The following TASP1 variants were observed in gnomAD, a reference collection of about 807,000 sequenced individuals.
TASP1 encodes the protein threonine aspartase 1.
Under a neutral mutation model 56.6 loss-of-function variants are expected in TASP1, and 16 were observed. That is an observed-to-expected ratio of 0.28 (90% CI 0.19 to 0.43). The LOEUF (loss-of-function observed/expected upper bound fraction) is 0.43. Ranked by LOEUF, TASP1 falls within the 20% of genes least tolerant of loss-of-function variation. TASP1 has a pLI of 1.00. For synonymous variants in TASP1, 179 were observed against 184.2 expected, an observed-to-expected ratio of 0.97 and a Z score of 0.23; for missense variants, 393 against 511.6, an observed-to-expected ratio of 0.77 and a Z score of 2.24.
chr20:13,268,966 A>G, the TASP1 span, among the ~76,000 whole-genome samples: 1 of 152,188 alleles, frequency 6.6e-6, no homozygotes, highest in South Asian at 2.1e-4. Context: ...CCCTAAGGTT[A>G]GCTCTCCAAG....
chr20:13,562,265 G>A (rs1217802795), intron 7 of TASP1, among the ~76,000 whole-genome samples: 3 of 152,056 alleles, frequency 2.0e-5, no homozygotes, highest in African/African-American at 4.8e-5. Context: ...AAAGCCTTAT[G>A]AAGGGAAAAT....
intron 4 of TASP1, among the ~76,000 whole-genome samples, chr20:13,616,314 A>G (rs925839309): frequency 6.6e-6 from 1 of 152,146 alleles, no homozygotes; most frequent in African/African-American, 2.4e-5. Context: ...TCCAAAATGA[A>G]GTATATTTTT....
At chr20:13,139,754 C>T in the TASP1 span, among the ~76,000 whole-genome samples, 1 of 152,220 alleles carries the variant, frequency 6.6e-6, no homozygotes, top group African/African-American at 2.4e-5. Flanking sequence ...CCACCCAGGA[C>T]ATTCTTTCCT....
chr20:13,259,847 G>A, the TASP1 span, among the ~76,000 whole-genome samples: 1 of 152,222 alleles, frequency 6.6e-6, no homozygotes, highest in African/African-American at 2.4e-5. Flanking sequence ...AATACTAAGT[G>A]ATAAACTTGC....
chr20:13,623,115 T>C (rs1236098970), intron 4 of TASP1, among the ~76,000 whole-genome samples: 1 of 152,200 alleles, frequency 6.6e-6, no homozygotes, highest in Non-Finnish European at 1.5e-5. Context: ...TTCTTTTATT[T>C]TTAAACAACA....
At chr20:13,566,845 A>G (rs2046546615) in intron 7 of TASP1, among the ~76,000 whole-genome samples, 1 of 152,226 alleles carries the variant, frequency 6.6e-6, no homozygotes, top group South Asian at 2.1e-4. Context: ...AAATTAGTTC[A>G]GCCATTGTGG....
intron 12 of TASP1, among the ~76,000 whole-genome samples, chr20:13,430,999 G>A (rs1442479502): frequency 3.3e-5 from 5 of 152,146 alleles, no homozygotes; most frequent in African/African-American, 1.2e-4. Context: ...TGCTTGTGTG[G>A]TGTAATGAGA....
intron 7 of TASP1, among the ~76,000 whole-genome samples, chr20:13,568,916 C>T (rs568760491): frequency 1.5e-3 from 225 of 152,240 alleles, no homozygotes; most frequent in Admixed American, 4.9e-3. Flanking sequence ...AACATGTACT[C>T]ATTTTAATTT....
chr20:13,493,110 G>A (rs184236333), intron 10 of TASP1, among the ~76,000 whole-genome samples: 1 of 151,914 alleles, frequency 6.6e-6, no homozygotes, highest in Non-Finnish European at 1.5e-5. Flanking sequence ...TTTTATGAAC[G>A]CAAATACTTT....
chr20:13,494,265 T>C (rs975591519), intron 10 of TASP1, among the ~76,000 whole-genome samples: 2 of 152,158 alleles, frequency 1.3e-5, no homozygotes, highest in Non-Finnish European at 2.9e-5. Context: ...GCTTCCTCAT[T>C]TGAAAAACTA....
At chr20:13,106,197 A>G in the TASP1 span, among the ~76,000 whole-genome samples, 1 of 152,174 alleles carries the variant, frequency 6.6e-6, no homozygotes, top group Non-Finnish European at 1.5e-5. Context: ...ATTTCTATCC[A>G]CAAGTGGCAT....
intron 12 of TASP1, among the ~76,000 whole-genome samples, chr20:13,426,702 T>G (rs2042629282): frequency 6.6e-6 from 1 of 152,084 alleles, no homozygotes; most frequent in Non-Finnish European, 1.5e-5. Flanking sequence ...ATGCTACTCT[T>G]CATTGTTGAA....
chr20:13,581,200 TAC>T (rs1306212680), intron 5 of TASP1, among the ~76,000 whole-genome samples: 2 of 152,100 alleles, frequency 1.3e-5, no homozygotes, highest in Non-Finnish European at 2.9e-5. Context: ...GAATATAAAA[TAC>T]ATATTCTCAT....
the TASP1 span, among the ~76,000 whole-genome samples, chr20:13,209,458 A>T: frequency 1.3e-5 from 2 of 152,192 alleles, no homozygotes; most frequent in Non-Finnish European, 2.9e-5. Context: ...GTACTGGGAA[A>T]TTTTACAAAT....
intron 8 of TASP1, among the ~76,000 whole-genome samples, chr20:13,537,503 G>A (rs1235785031): frequency 6.6e-5 from 10 of 152,186 alleles, no homozygotes; most frequent in South Asian, 6.2e-4. Flanking sequence ...CACAGAGCTC[G>A]TTTGTACAGG....
chr20:13,387,081 A>T (rs574457057), downstream of TASP1, among the ~76,000 whole-genome samples: 1 of 151,454 alleles, frequency 6.6e-6, no homozygotes, highest in Admixed American at 6.6e-5. Flanking sequence ...GTGTGAACTC[A>T]GTGTTTAGCT....
At chr20:13,298,850 T>C in the TASP1 span, 2 of 1,345,100 alleles carry the variant, frequency 1.5e-6, no homozygotes, top group Admixed American at 4.2e-5. Flanking sequence ...CTGCGGGCCC[T>C]CAGGAGCAGC....
At chr20:13,247,530 G>GTC in the TASP1 span, among the ~76,000 whole-genome samples, 7 of 150,848 alleles carry the variant, frequency 4.6e-5, no homozygotes, top group Admixed American at 1.3e-4. Context: ...GTGTGTGTGT[G>GTC]TGTGTGTGTG....
chr20:13,568,372 A>T (rs2046606046), intron 7 of TASP1, among the ~76,000 whole-genome samples: 1 of 152,138 alleles, frequency 6.6e-6, no homozygotes, highest in Admixed American at 6.6e-5. Context: ...TTTTCATTTG[A>T]TTATTTAAAT....
Sources: allele counts gnomAD v4.1 joint callset (sites outside exome capture counted in the v4.1 genomes callset), GRCh38; gene constraint gnomAD v4.1.1; transcripts MANE v1.5; gene names NCBI Gene and HGNC (gene_info 2026-07-23, HGNC 2026-07-21).